PRKCH: variants seen among roughly 807,000 people sequenced by gnomAD.
PRKCH encodes protein kinase C eta type.
PRKCH carries 28 observed loss-of-function variants against 82.5 expected under a neutral mutation model. The ratio of observed to expected loss-of-function variants is 0.34; its 90% CI spans 0.25 to 0.47. PRKCH has a LOEUF of 0.47. Ranked by LOEUF, PRKCH falls within the 20% of genes least tolerant of loss-of-function variation. PRKCH has a pLI of 1.00. For synonymous variants in PRKCH, 322 were observed against 327.4 expected (o/e 0.98, Z 0.18); for missense variants, 705 against 881.8 (o/e 0.80, Z 2.54).
intron 1 of PRKCH, among the ~76,000 whole-genome samples, chr14:61,288,144 A>G (rs981380251): frequency 6.6e-6 from 1 of 152,212 alleles, no homozygotes; most frequent in Admixed American, 6.5e-5. Flanking sequence ...CAGGTGCCCA[A>G]CAAAGACATG....
intron 10 of PRKCH, among the ~76,000 whole-genome samples, chr14:61,499,888 T>TA (rs5809100): frequency 0.72 from 106,059 of 147,542 alleles, 39,232 homozygotes; most frequent in Non-Finnish European, 0.8. Context: ...GGGGTAGACT[T>TA]AAAAAAAAAA....
At chr14:61,463,479 T>C (rs917367894) in intron 9 of PRKCH, 9 of 140,472 alleles carry the variant, frequency 6.4e-5, no homozygotes, top group Admixed American at 1.3e-4. Flanking sequence ...TTATTTCCCC[T>C]TTTTTTTTAT....
intron 1 of PRKCH, among the ~76,000 whole-genome samples, chr14:61,217,428 A>C (rs1319068496): frequency 6.6e-6 from 1 of 152,162 alleles, no homozygotes; most frequent in Non-Finnish European, 1.5e-5. Flanking sequence ...TAAATAAATA[A>C]GATAAAAAAT....
intron 1 of PRKCH, among the ~76,000 whole-genome samples, chr14:61,263,958 T>G (rs2045073939): frequency 6.6e-6 from 1 of 151,868 alleles, no homozygotes; most frequent in African/African-American, 2.4e-5. Flanking sequence ...ACATCCTTAT[T>G]TTATTTAATC....
In PRKCH at chr14:61,547,885, T is replaced by C. The variant is rs1316570041; in HGVS notation, c.1904T>C (p.Ile635Thr). Residue 635 changes from isoleucine (I) to threonine (T), a missense_variant and splice_region_variant, in exon 13 of 14, where the codon ATC (isoleucine) becomes ACC (threonine). Physicochemically the swap from Ile to Thr is moderately conservative, Grantham distance 89 (BLOSUM62 -1). Transcript: ENST00000332981. ...ATAGAACCGCCTTTCAGACCCAGAA[T>C]CGTAAGTGTCCCAGGCTGTCACAGA... ...RQIEPPFRPR[I>T]KSREDVSNFD... 1 of 1,613,598 alleles carries C rather than the reference T, an allele frequency of 6.2e-7. No individual in the cohort carries two copies. The highest frequency in any genetic ancestry group is 8.5e-7 in the Non-Finnish European group (1 of 1,179,668).
intron 4 of PRKCH, among the ~76,000 whole-genome samples, chr14:61,446,156 T>G (rs1238913378): frequency 6.6e-6 from 1 of 151,902 alleles, no homozygotes; most frequent in Non-Finnish European, 1.5e-5. Flanking sequence ...AAGTTGTTTT[T>G]TGAAATGTTA....
intron 1 of PRKCH, among the ~76,000 whole-genome samples, chr14:61,347,259 TTTAA>T (rs1338351290): frequency 2.6e-5 from 4 of 152,246 alleles, no homozygotes; most frequent in Admixed American, 2.6e-4. Context: ...TTAATTTTTA[TTTAA>T]TTGTTTTCCC....
At chr14:61,237,242 CAA>C (rs567714882) in intron 1 of PRKCH, among the ~76,000 whole-genome samples, 32 of 93,644 alleles carry the variant, frequency 3.4e-4, no homozygotes, top group Admixed American at 4.3e-4. Flanking sequence ...GACTCTGTTT[CAA>C]AAAAAAAAAA....
intron 1 of PRKCH, among the ~76,000 whole-genome samples, chr14:61,192,518 T>C (rs1057100077): frequency 2.6e-5 from 4 of 152,230 alleles, no homozygotes; most frequent in Non-Finnish European, 5.9e-5. Flanking sequence ...TATGAAGTTT[T>C]ATGCTATTAT....
intron 2 of PRKCH, among the ~76,000 whole-genome samples, chr14:61,399,977 A>T (rs1013992825): frequency 6.6e-6 from 1 of 152,216 alleles, no homozygotes; most frequent in Non-Finnish European, 1.5e-5. Context: ...GAAAAGATAT[A>T]CATTTGTCCT....
At chr14:61,272,120 C>T (rs962623166) in intron 1 of PRKCH, among the ~76,000 whole-genome samples, 6 of 151,356 alleles carry the variant, frequency 4.0e-5, no homozygotes, top group Non-Finnish European at 8.8e-5. Flanking sequence ...CCCAGCTACT[C>T]GGGAGGCTGA....
intron 9 of PRKCH, among the ~76,000 whole-genome samples, chr14:61,460,735 T>C (rs1490270084): frequency 6.6e-6 from 1 of 152,092 alleles, no homozygotes; most frequent in East Asian, 1.9e-4. Flanking sequence ...CTCCCAAAGC[T>C]TGAGTGAGAA....
chr14:61,483,858 G>A (rs1468346005), intron 9 of PRKCH, among the ~76,000 whole-genome samples: 6 of 152,170 alleles, frequency 3.9e-5, no homozygotes, highest in Admixed American at 3.9e-4. Flanking sequence ...ACCAGCCTGG[G>A]CAATATAATG....
chr14:61,225,734 A>G (rs1017198042), intron 1 of PRKCH, among the ~76,000 whole-genome samples: 7 of 141,292 alleles, frequency 5.0e-5, no homozygotes, highest in Admixed American at 1.5e-4. Context: ...CATTCTTGGA[A>G]GATATACTTT....
chr14:61,506,973 T>C (rs1040409763), intron 10 of PRKCH, among the ~76,000 whole-genome samples: 1 of 152,058 alleles, frequency 6.6e-6, no homozygotes, highest in African/African-American at 2.4e-5. Flanking sequence ...AGCTGCTGCA[T>C]AGGACAGGAA....
At chr14:61,372,457 C>T (rs1184294260) in intron 1 of PRKCH, among the ~76,000 whole-genome samples, 3 of 152,060 alleles carry the variant, frequency 2.0e-5, no homozygotes, top group Non-Finnish European at 4.4e-5. Flanking sequence ...AGCCTTTCTC[C>T]CTTGTCTGCA....
intron 1 of PRKCH, among the ~76,000 whole-genome samples, chr14:61,269,897 G>T (rs576079154): frequency 2.0e-5 from 3 of 152,308 alleles, no homozygotes; most frequent in Admixed American, 6.5e-5. Context: ...CGAGGCCACG[G>T]CGAGGTGACT....
chr14:61,284,162 T>C (rs565351383), intron 1 of PRKCH, among the ~76,000 whole-genome samples: 8 of 152,226 alleles, frequency 5.3e-5, no homozygotes, highest in Non-Finnish European at 1.2e-4. Context: ...GAGGGCAGGG[T>C]GATAAAAATG....
intron 1 of PRKCH, among the ~76,000 whole-genome samples, chr14:61,351,895 G>A (rs561040526): frequency 8.5e-4 from 129 of 152,236 alleles, no homozygotes; most frequent in Admixed American, 1.8e-3. Flanking sequence ...TTTGAAGGCT[G>A]CCACTTACAA....
Sources: allele counts gnomAD v4.1 joint callset (sites outside exome capture counted in the v4.1 genomes callset), GRCh38; gene constraint gnomAD v4.1.1; transcripts MANE v1.5; gene names NCBI Gene and HGNC (gene_info 2026-07-23, HGNC 2026-07-21).